Variants in NDC1 observed in about 807,000 individuals in gnomAD.
NDC1 encodes NDC1 transmembrane nucleoporin, also known as nucleoporin NDC1.
A neutral mutation model predicts 89.8 loss-of-function variants in NDC1; 24 were observed. That is an observed-to-expected ratio of 0.27 (90% CI 0.19 to 0.38). NDC1 has a LOEUF of 0.38. Among genes scored for constraint, NDC1 ranks in the 10% least tolerant of loss-of-function variants. NDC1 has a pLI of 1.00. For synonymous variants in NDC1, 296 were observed against 284.8 expected, an observed-to-expected ratio of 1.04 and a Z score of -0.39; for missense variants, 728 against 797.6, an observed-to-expected ratio of 0.91 and a Z score of 1.05.
intron 11 of NDC1, among the ~76,000 whole-genome samples, chr1:53,798,178 T>TTATTAC: frequency 6.8e-6 from 1 of 147,296 alleles, no homozygotes; most frequent in Non-Finnish European, 1.5e-5. Context: ...ATTATTATTA[T>TTATTAC]TATTATTTTG....
intron 7 of NDC1, 63 bp from the exon 8 acceptor site, chr1:53,807,854 T>G: frequency 1.4e-6 from 2 of 1,445,320 alleles, no homozygotes; most frequent in African/African-American, 1.4e-5. Flanking sequence ...TTAACACACT[T>G]AAGTCTCCAC....
chr1:53,822,227 A>G, intron 5 of NDC1, among the ~76,000 whole-genome samples: 1 of 152,160 alleles, frequency 6.6e-6, no homozygotes, highest in Non-Finnish European at 1.5e-5. Flanking sequence ...CCAGCTACTC[A>G]TGAGGCTGAG....
chr1:53,774,097 T>A (rs1647142113), intron 16 of NDC1, among the ~76,000 whole-genome samples: 1 of 152,232 alleles, frequency 6.6e-6, no homozygotes, highest in South Asian at 2.1e-4. Flanking sequence ...TGCTATTATG[T>A]CCTCTCCTGT....
At chr1:53,836,654 CCTGA>C (rs963007613) in intron 1 of NDC1, among the ~76,000 whole-genome samples, 11 of 151,986 alleles carry the variant, frequency 7.2e-5, no homozygotes, top group African/African-American at 1.4e-4. Context: ...CGCCACCACA[CCTGA>C]CTAATTTTTT....
chr1:53,792,002 G>A (rs1203344759), intron 14 of NDC1, among the ~76,000 whole-genome samples: 1 of 151,520 alleles, frequency 6.6e-6, no homozygotes, highest in Non-Finnish European at 1.5e-5. Context: ...GACTCCAGTG[G>A]CTCTATCTCG....
At chr1:53,775,298 C>A (rs770302304) in intron 16 of NDC1, among the ~76,000 whole-genome samples, 1 of 152,046 alleles carries the variant, frequency 6.6e-6, no homozygotes, top group Non-Finnish European at 1.5e-5. Flanking sequence ...ACTCTGTCAC[C>A]CAGGCTGGAG....
At chr1:53,780,616 G>A (rs1325673481) in intron 16 of NDC1, among the ~76,000 whole-genome samples, 9 of 152,044 alleles carry the variant, frequency 5.9e-5, no homozygotes, top group Non-Finnish European at 1.0e-4. Context: ...TTCAAGTGAC[G>A]AGGCAAAAAA....
intron 15 of NDC1, among the ~76,000 whole-genome samples, chr1:53,788,827 G>T (rs562368097): frequency 6.6e-6 from 1 of 152,046 alleles, no homozygotes; most frequent in South Asian, 2.1e-4. Flanking sequence ...AGCCCAGAAG[G>T]TTGAGGATAC....
At chr1:53,806,285 C>T in intron 9 of NDC1, 140 bp downstream of exon 9, 2 of 506,942 alleles carry the variant, frequency 3.9e-6, no homozygotes, top group South Asian at 8.0e-5. Flanking sequence ...ACAGCATTAG[C>T]AAGTAGGTGA....
At chr1:53,799,128 A>G (rs1647824557) in intron 11 of NDC1, among the ~76,000 whole-genome samples, 1 of 152,192 alleles carries the variant, frequency 6.6e-6, no homozygotes, top group Non-Finnish European at 1.5e-5. Flanking sequence ...CCATATCTCT[A>G]TAGAATAAAA....
intron 16 of NDC1, among the ~76,000 whole-genome samples, chr1:53,784,251 GCA>G (rs770460837): frequency 8.6e-6 from 1 of 116,206 alleles, no homozygotes; most frequent in Non-Finnish European, 2.0e-5. Flanking sequence ...ACACACACAC[GCA>G]CACACTATAT....
Position 53,767,841 on chromosome 1 carries a change from T to C in NDC1, c.*129A>G. The C allele has an allele frequency of 4.3e-6, 2 of 467,552 alleles. No individual in the cohort carries two copies. Among genetic ancestry groups the C allele is most frequent in the Non-Finnish European group, 7.5e-6 (2 of 267,564 alleles). The allele number at this position is 467,552 out of a possible 1,614,324, so 29.0% of individuals were successfully genotyped here. ...GATTTCTCCCATTAAAGTATAGTTT[T>C]CAAAGCAACCACCACGACAAAGGAA... On this transcript the variant is annotated 3_prime_UTR_variant, in exon 18 of 18. Coordinates refer to ENST00000371429, the MANE Select transcript of NDC1 (RefSeq NM_018087.5).
Position 53,828,154 on chromosome 1 carries a change from G to A in NDC1, c.300C>T (p.Cys100=), listed in dbSNP as rs755979960. The A allele has an allele frequency of 2.0e-5, 32 of 1,613,900 alleles. No individual in the cohort carries two copies. Among genetic ancestry groups the A allele is most frequent in the Non-Finnish European group, 2.6e-5 (31 of 1,179,966 alleles). ...TCTTCCCTATCAGAGCTAGTCTGGA[G>A]CAAGGAATAGAAGGCACAACTGCAA... is the stretch of plus-strand genomic sequence containing the variant. ...EFYAVVPSIP[C]SRLALIGKII... Residue 100 remains cysteine, a synonymous_variant, in exon 4 of 18, where the codon TGC becomes TGT. Transcript: ENST00000371429.
chr1:53,817,158 G>C (rs2100677105), intron 6 of NDC1, among the ~76,000 whole-genome samples: 1 of 152,270 alleles, frequency 6.6e-6, no homozygotes, highest in East Asian at 1.9e-4. Context: ...CAGAGGAAAA[G>C]AAGTCATTAT....
At chr1:53,791,920 T>C (rs1246666828) in intron 14 of NDC1, among the ~76,000 whole-genome samples, 2 of 151,566 alleles carry the variant, frequency 1.3e-5, no homozygotes, top group Non-Finnish European at 2.9e-5. Flanking sequence ...CATAAGACAC[T>C]CATAGTGAGT....
At position 53,772,224 on chromosome 1, in the gene NDC1, C is replaced by T. The variant is rs182917109; in HGVS notation, c.1961+105G>A. ...AGTTTACAGTGAGAATCATCAAGGTCCCAAAAGAACACTTTCAACACATGA... is the reference window on the plus strand; with the variant it reads ...AGTTTACAGTGAGAATCATCAAGGTTCCAAAAGAACACTTTCAACACATGA... On this transcript the variant is annotated intron_variant, in intron 17 of 17. Transcript: ENST00000371429. 5.0e-5 allele frequency: 48 copies of T among 967,762 alleles called. No individual in the cohort carries two copies. In the African/African-American group the frequency reaches 7.3e-4, roughly 15 times the overall value. The allele number at this position is 967,762 out of a possible 1,614,324, so 59.9% of individuals were successfully genotyped here. A position where few individuals can be genotyped will look rare whatever the true frequency, so the allele number is the denominator to read the frequency against.
intron 6 of NDC1, among the ~76,000 whole-genome samples, chr1:53,813,255 T>G (rs1047850226): frequency 6.6e-6 from 1 of 152,120 alleles, no homozygotes; most frequent in African/African-American, 2.4e-5. Flanking sequence ...AAAAGCATGG[T>G]GAATTCGATG....
intron 17 of NDC1, 78 bp from the exon 18 acceptor site, chr1:53,768,111 A>ATG: frequency 1.2e-6 from 1 of 844,220 alleles, no homozygotes; most frequent in Non-Finnish European, 1.8e-6. Context: ...CACAGAGACA[A>ATG]TATTTTTCAA....
At chr1:53,801,170 G>T (rs1401701856) in intron 10 of NDC1, among the ~76,000 whole-genome samples, 1 of 150,194 alleles carries the variant, frequency 6.7e-6, no homozygotes, top group Non-Finnish European at 1.5e-5. Context: ...GAGCGAGAAA[G>T]ACCAGGGTTA....
Sources: allele counts gnomAD v4.1 joint callset (sites outside exome capture counted in the v4.1 genomes callset), GRCh38; gene constraint gnomAD v4.1.1; transcripts MANE v1.5; gene names NCBI Gene and HGNC (gene_info 2026-07-23, HGNC 2026-07-21).